Variants in GPHN observed in about 807,000 individuals in gnomAD.
GPHN encodes the protein gephyrin.
Under a neutral mutation model 95.5 loss-of-function variants are expected in GPHN, and 17 were observed. That is an observed-to-expected ratio of 0.18 (90% CI 0.12 to 0.27). The LOEUF is 0.27. GPHN is among the 10% of genes least tolerant of loss of function. The pLI, the probability that GPHN is intolerant of heterozygous loss-of-function variation, is 1.00. For missense variants in GPHN, 660 were observed against 978.1 expected (o/e 0.67, Z 4.34); for synonymous variants, 320 against 322.5 (o/e 0.99, Z 0.08).
At chr14:67,599,896 T>A in the GPHN span, 1 of 712,658 alleles carries the variant, frequency 1.4e-6, no homozygotes, top group East Asian at 3.0e-5. Flanking sequence ...ACCCGTGAGT[T>A]CCCGCCCTCC....
chr14:67,137,268 C>T (rs1417618157), intron 17 of GPHN, among the ~76,000 whole-genome samples: 2 of 151,614 alleles, frequency 1.3e-5, no homozygotes, highest in Non-Finnish European at 2.9e-5. Flanking sequence ...GCCTCAGCCT[C>T]CCGAGTAGCT....
the GPHN span, among the ~76,000 whole-genome samples, chr14:67,524,924 T>C: frequency 6.6e-6 from 1 of 152,140 alleles, no homozygotes; most frequent in Non-Finnish European, 1.5e-5. Flanking sequence ...CTCAAAACGT[T>C]GGCATTAAAC....
chr14:66,602,203 A>ATCAG (rs2062283623), intron 1 of GPHN, among the ~76,000 whole-genome samples: 4 of 151,996 alleles, frequency 2.6e-5, no homozygotes, highest in Non-Finnish European at 5.9e-5. Flanking sequence ...GATTGTGTTG[A>ATCAG]TCAGTGTTCT....
In GPHN at chr14:66,591,816, A is replaced by G. The variant is rs113332853; in HGVS notation, c.64+83225A>G. ...ATTAGAAAAAACTACTTTAAATTTC[A>G]TATGGAACCAGAAAAGAGGCTATAT... On this transcript the variant is annotated intron_variant, in intron 1 of 22. Coordinates refer to ENST00000478722, the MANE Select transcript of GPHN (RefSeq NM_020806.5). Among the ~76,000 whole-genome samples, 555 of 152,346 alleles carry G rather than the reference A, an allele frequency of 3.6e-3. 12 individuals carry two copies. Among genetic ancestry groups the G allele is most frequent in the African/African-American group, 0.013 (529 of 41,590 alleles).
chr14:66,969,013 T>C (rs1291432110), intron 9 of GPHN: 1 of 150,782 alleles, frequency 6.6e-6, no homozygotes, highest in Non-Finnish European at 1.5e-5. Flanking sequence ...TACCAGGTCT[T>C]GATTTCTTTT....
chr14:67,506,781 C>A, the GPHN span, among the ~76,000 whole-genome samples: 1 of 152,100 alleles, frequency 6.6e-6, no homozygotes, highest in Non-Finnish European at 1.5e-5. Flanking sequence ...GTAAAGAGAT[C>A]GAGACCATCC....
the GPHN span, among the ~76,000 whole-genome samples, chr14:67,610,398 G>A: frequency 2.6e-5 from 4 of 152,088 alleles, no homozygotes; most frequent in Admixed American, 6.5e-5. Flanking sequence ...TTCGGAGATC[G>A]AAGCCACATT....
chr14:66,572,651 CTT>C (rs370471152), intron 1 of GPHN, among the ~76,000 whole-genome samples: 1 of 148,474 alleles, frequency 6.7e-6, no homozygotes, highest in African/African-American at 2.5e-5. Flanking sequence ...TTAGTTTTAA[CTT>C]TTTTTTTTGT....
chr14:66,876,263 A>G (rs1243129018), intron 4 of GPHN, among the ~76,000 whole-genome samples: 2 of 152,210 alleles, frequency 1.3e-5, no homozygotes, highest in Non-Finnish European at 2.9e-5. Context: ...TTTACAGGGA[A>G]ATTCATAGCA....
chr14:66,833,412 T>C (rs540802534), intron 4 of GPHN, among the ~76,000 whole-genome samples: 31 of 152,056 alleles, frequency 2.0e-4, no homozygotes, highest in Non-Finnish European at 3.1e-4. Context: ...CCATTACACA[T>C]AGAGATTATG....
intron 1 of GPHN, among the ~76,000 whole-genome samples, chr14:66,651,788 A>G (rs552949484): frequency 1.0e-3 from 155 of 152,194 alleles, no homozygotes; most frequent in African/African-American, 3.4e-3. Flanking sequence ...ATTATGGAGC[A>G]GACTGAATAT....
At chr14:67,080,322 A>G (rs1338093521) in intron 11 of GPHN, among the ~76,000 whole-genome samples, 3 of 151,634 alleles carry the variant, frequency 2.0e-5, no homozygotes, top group Admixed American at 6.6e-5. Flanking sequence ...CTCTTACTAG[A>G]TATATGATTT....
At chr14:67,100,997 G>T in intron 13 of GPHN, 86 bp downstream of exon 13, 1 of 804,964 alleles carries the variant, frequency 1.2e-6, no homozygotes, top group Non-Finnish European at 2.2e-6. Flanking sequence ...TATCAGTTTA[G>T]TGGAAATTAG....
At chr14:66,723,288 T>TTATATTATAAAGTTTATAAC (rs1491077310) in intron 2 of GPHN, among the ~76,000 whole-genome samples, 2 of 94,368 alleles carry the variant, frequency 2.1e-5, no homozygotes, top group African/African-American at 3.3e-4. Context: ...GTTTATAACT[T>TTATATTATAAAGTTTATAAC]TATAAATATA....
intron 11 of GPHN, among the ~76,000 whole-genome samples, chr14:67,085,955 T>TA (rs1327122487): frequency 1.3e-5 from 2 of 152,222 alleles, no homozygotes; most frequent in East Asian, 3.8e-4. Context: ...AGTGGAATCA[T>TA]AAAATATTTG....
At chr14:67,549,852 G>A in the GPHN span, among the ~76,000 whole-genome samples, 1 of 152,234 alleles carries the variant, frequency 6.6e-6, no homozygotes, top group African/African-American at 2.4e-5. Flanking sequence ...TCTCTGACTT[G>A]CTAAAGAAAA....
the GPHN span, among the ~76,000 whole-genome samples, chr14:67,370,615 A>T: frequency 6.6e-6 from 1 of 152,314 alleles, no homozygotes; most frequent in South Asian, 2.1e-4. Flanking sequence ...AATCAGGTGA[A>T]ATTAGTGAAT....
At chr14:67,735,182 TCC>T in the GPHN span, 2 of 1,297,748 alleles carry the variant, frequency 1.5e-6, no homozygotes, top group Non-Finnish European at 2.2e-6. Flanking sequence ...CCACAGTCGT[TCC>T]CCTTGTTCAG....
At chr14:67,449,337 C>A in the GPHN span, among the ~76,000 whole-genome samples, 1 of 152,290 alleles carries the variant, frequency 6.6e-6, no homozygotes, top group African/African-American at 2.4e-5. Context: ...TGTCCAGAAG[C>A]CAGCCTCTGC....
Sources: gnomAD v4.1 joint callset for allele counts (sites outside exome capture counted in the v4.1 genomes callset) on GRCh38, gnomAD v4.1.1 for gene constraint, MANE v1.5 for transcripts, NCBI Gene and HGNC (gene_info 2026-07-23, HGNC 2026-07-21) for gene names.